The following POU6F2 variants were observed in gnomAD, a reference collection of about 807,000 sequenced individuals.
The protein encoded by POU6F2 is POU domain, class 6, transcription factor 2.
In POU6F2, 31 loss-of-function variants were observed where a neutral mutation model predicts 71.3. The ratio of observed to expected loss-of-function variants is 0.43; its 90% CI spans 0.33 to 0.59. The LOEUF is 0.59. POU6F2 is among the 20% of genes least tolerant of loss of function. The probability of loss-of-function intolerance (pLI) is 0.04; values close to 1 mark genes in which losing one functional copy is unlikely to be tolerated. For missense variants in POU6F2, 783 were observed against 856.8 expected (o/e 0.91, Z 1.07); for synonymous variants, 347 against 355.7 (o/e 0.98, Z 0.27).
rs143455469 is a variant in POU6F2, at chr7:39,406,777, G to A, written c.1113+37G>A. 4.4e-6 allele frequency: 7 copies of A among 1,609,148 alleles called. No homozygotes were observed. The East Asian group carries it at 1.6e-4, about 36-fold the overall frequency. ...ATGGGAACAAGAGTGCATTTTTATG[G>A]CAGATTGAACTCGGAAAGGAATTGA... On this transcript the variant is annotated intron_variant, in intron 6 of 9. Coordinates refer to ENST00000518318, the MANE Select transcript of POU6F2 (RefSeq NM_001370959.1).
chr7:39,227,305 G>A (rs181245081), intron 4 of POU6F2, among the ~76,000 whole-genome samples: 146 of 151,874 alleles, frequency 9.6e-4, no homozygotes, highest in African/African-American at 3.3e-3. Context: ...GTTCTTTTGT[G>A]AAGTTTTCTC....
Position 39,275,549 on chromosome 7 carries a change from T to G in POU6F2, c.599-64093T>G, listed in dbSNP as rs563975344. On this transcript the variant is annotated intron_variant, in intron 4 of 9. Transcript: ENST00000518318. ...CTTTCTTCACTGAATTGGAAAAAACTACTTTAAAGTTCATATGGAAACAAA... is the reference window on the plus strand; with the variant it reads ...CTTTCTTCACTGAATTGGAAAAAACGACTTTAAAGTTCATATGGAAACAAA... 1.6e-3 allele frequency among the ~76,000 whole-genome samples: 238 copies of G among 152,308 alleles called. 1 individual carries two copies. The highest frequency in any genetic ancestry group is 0.01 in the Middle Eastern group (3 of 294).
chr7:39,460,666 G>A lies in POU6F2; in HGVS notation c.1609G>A (p.Ala537Thr). 6.2e-7 allele frequency: 1 copy of A among 1,600,926 alleles called. No individual in the cohort carries two copies. The highest frequency in any genetic ancestry group is 8.5e-7 in the Non-Finnish European group (1 of 1,174,140). The change falls in exon 9 of 10, where the codon GCT becomes ACT. Residue 537 changes from alanine (A) to threonine (T), a missense_variant. Transcript: ENST00000518318. This position sits in a 1 kb window ranked among gnomAD's most constrained non-coding sequence, Gnocchi z 4.4. ...CCTGACCCAGACTCAGGTGGGACAG[G>A]CTCTCAGTGCTACAGAGGGCCCCGC... ...LGLTQTQVGQ[A>T]LSATEGPAYS...
At chr7:39,274,039 G>T (rs896784304) in intron 4 of POU6F2, among the ~76,000 whole-genome samples, 3 of 152,038 alleles carry the variant, frequency 2.0e-5, no homozygotes, top group Admixed American at 1.3e-4. Flanking sequence ...TTGTATTCAA[G>T]AATTTGGTGA....
chr7:39,367,036 G>C (rs1243419746), intron 5 of POU6F2, among the ~76,000 whole-genome samples: 1 of 152,042 alleles, frequency 6.6e-6, no homozygotes, highest in Non-Finnish European at 1.5e-5. Flanking sequence ...AAGATAGAGG[G>C]GGAGACCTGA....
chr7:39,351,319 C>T (rs770513656), intron 5 of POU6F2, among the ~76,000 whole-genome samples: 1 of 152,152 alleles, frequency 6.6e-6, no homozygotes, highest in Non-Finnish European at 1.5e-5. Flanking sequence ...CTCTACCCCT[C>T]CCCAGATTCA....
At chr7:39,045,001 T>C (rs1790262331) in intron 1 of POU6F2, among the ~76,000 whole-genome samples, 1 of 151,922 alleles carries the variant, frequency 6.6e-6, no homozygotes, top group South Asian at 2.1e-4. Context: ...TGATCAATTT[T>C]GCAATGCTTC....
intron 4 of POU6F2, among the ~76,000 whole-genome samples, chr7:39,319,146 A>T (rs1050382903): frequency 1.2e-4 from 18 of 152,076 alleles, no homozygotes; most frequent in Non-Finnish European, 2.9e-5. Flanking sequence ...AACAAAACAA[A>T]ACTCCAATTT....
chr7:39,407,162 A>C (rs1289072536), intron 6 of POU6F2, among the ~76,000 whole-genome samples: 1 of 152,030 alleles, frequency 6.6e-6, no homozygotes, highest in Non-Finnish European at 1.5e-5. Context: ...TGTGAGAGAG[A>C]TATCAAAATT....
chr7:39,003,827 T>C (rs1584491608), intron 1 of POU6F2, among the ~76,000 whole-genome samples: 1 of 152,012 alleles, frequency 6.6e-6, no homozygotes, highest in South Asian at 2.1e-4. Context: ...TCAAAGAAAT[T>C]GACCTGGGTA....
chr7:39,414,719 C>G (rs892810376), intron 6 of POU6F2, among the ~76,000 whole-genome samples: 1 of 151,888 alleles, frequency 6.6e-6, no homozygotes, highest in African/African-American at 2.4e-5. Flanking sequence ...CCCGCCCCCC[C>G]ACCACATTTC....
At chr7:39,252,395 GACAGACAC>G (rs1233381627) in intron 4 of POU6F2, among the ~76,000 whole-genome samples, 13 of 84,856 alleles carry the variant, frequency 1.5e-4, no homozygotes, top group African/African-American at 5.0e-4. Context: ...CAGACAGACA[GACAGACAC>G]ACACACACAC....
chr7:39,015,781 AT>A (rs1204494717), intron 1 of POU6F2, among the ~76,000 whole-genome samples: 1 of 97,114 alleles, frequency 1.0e-5, no homozygotes, highest in Non-Finnish European at 1.8e-5. Flanking sequence ...TATATTATAT[AT>A]GGTATATTAT....
At chr7:38,988,811 A>G (rs1167792720) in intron 1 of POU6F2, among the ~76,000 whole-genome samples, 1 of 152,154 alleles carries the variant, frequency 6.6e-6, no homozygotes, top group East Asian at 1.9e-4. Flanking sequence ...GAGACCAGGT[A>G]TAAATCCTTA....
At chr7:39,430,025 G>A (rs1297111181) in intron 6 of POU6F2, among the ~76,000 whole-genome samples, 1 of 152,178 alleles carries the variant, frequency 6.6e-6, no homozygotes, top group African/African-American at 2.4e-5. Context: ...GTCCATGGAG[G>A]AGTTCTGATT....
At chr7:39,260,580 A>G (rs542562485) in intron 4 of POU6F2, among the ~76,000 whole-genome samples, 2 of 151,102 alleles carry the variant, frequency 1.3e-5, no homozygotes, top group South Asian at 4.2e-4. Context: ...CACATTCCAC[A>G]CACATACCAC....
chr7:39,192,998 C>T lies in POU6F2; in HGVS notation c.278-11237C>T, dbSNP rs139674788. Among the ~76,000 whole-genome samples the T allele has an allele frequency of 2.2e-3, 332 of 152,196 alleles. 1 individual carries two copies. The highest frequency in any genetic ancestry group is 7.6e-3 in the African/African-American group (317 of 41,524). ...CAAACCCAGTGCTTCTTGCACTTTA[C>T]CGTGGGCATTGTGCATCACCTAGGG... On this transcript the variant is annotated intron_variant, in intron 2 of 9. Transcript: ENST00000518318.
At chr7:39,356,424 C>T (rs969383399) in intron 5 of POU6F2, among the ~76,000 whole-genome samples, 15 of 152,214 alleles carry the variant, frequency 9.9e-5, no homozygotes, top group African/African-American at 3.6e-4. Flanking sequence ...ATGAAGTGCC[C>T]ACAGTGGCCC....
At chr7:39,215,627 C>T (rs1193387740) in intron 4 of POU6F2, among the ~76,000 whole-genome samples, 1 of 152,084 alleles carries the variant, frequency 6.6e-6, no homozygotes, top group Non-Finnish European at 1.5e-5. Context: ...TAGGACATAG[C>T]AATAAACAAA....
Sources: allele counts gnomAD v4.1 joint callset (sites outside exome capture counted in the v4.1 genomes callset), GRCh38; gene constraint gnomAD v4.1.1; non-coding constraint Gnocchi (gnomAD v3.1); transcripts MANE v1.5; gene names NCBI Gene and HGNC (gene_info 2026-07-23, HGNC 2026-07-21).